PRKG1: variants seen among roughly 807,000 people sequenced by gnomAD.
PRKG1 encodes the protein cGMP-dependent protein kinase 1.
A neutral mutation model predicts 88.1 loss-of-function variants in PRKG1; 35 were observed. The ratio of observed to expected loss-of-function variants is 0.40; its 90% CI spans 0.30 to 0.53. The LOEUF is 0.53. PRKG1 is among the 20% of genes least tolerant of loss of function. PRKG1 has a pLI of 0.59. For missense variants in PRKG1, 540 were observed against 839.8 expected (o/e 0.64, Z 4.41); for synonymous variants, 303 against 292.5 (o/e 1.04, Z -0.37).
At chr10:51,923,950 T>C (rs542453177) in intron 5 of PRKG1, among the ~76,000 whole-genome samples, 97 of 151,998 alleles carry the variant, frequency 6.4e-4, no homozygotes, top group African/African-American at 2.3e-3. Flanking sequence ...CACCTAGGTC[T>C]CTTGAGTAGC....
intron 7 of PRKG1, among the ~76,000 whole-genome samples, chr10:52,066,924 A>G (rs1017378624): frequency 2.1e-4 from 32 of 152,028 alleles, no homozygotes; most frequent in Non-Finnish European, 4.3e-4. Context: ...CTATTAACTC[A>G]TCTTGATTAT....
At chr10:51,616,193 G>T (rs1183906304) in intron 3 of PRKG1, among the ~76,000 whole-genome samples, 1 of 152,228 alleles carries the variant, frequency 6.6e-6, no homozygotes, top group Non-Finnish European at 1.5e-5. Context: ...AGGCCCCACT[G>T]GTGGCAGTGA....
intron 5 of PRKG1, among the ~76,000 whole-genome samples, chr10:52,013,171 C>T (rs1844940708): frequency 6.6e-6 from 1 of 151,874 alleles, no homozygotes; most frequent in Admixed American, 6.5e-5. Flanking sequence ...GTAATCCCAG[C>T]ACTTTGGGAA....
At chr10:51,667,450 A>G (rs974393257) in intron 3 of PRKG1, among the ~76,000 whole-genome samples, 1 of 152,202 alleles carries the variant, frequency 6.6e-6, no homozygotes, top group African/African-American at 2.4e-5. Context: ...TGCTGTTGTC[A>G]ATTGTAATAG....
chr10:51,348,801 C>T (rs1227271706), intron 2 of PRKG1, among the ~76,000 whole-genome samples: 2 of 152,188 alleles, frequency 1.3e-5, no homozygotes, highest in Admixed American at 1.3e-4. Flanking sequence ...AAGTGTACTG[C>T]ATCCATTCTT....
intron 5 of PRKG1, among the ~76,000 whole-genome samples, chr10:51,931,359 AT>A: frequency 6.6e-6 from 1 of 152,304 alleles, no homozygotes; most frequent in South Asian, 2.1e-4. Flanking sequence ...TATTTCCATA[AT>A]TCCAGTGCTT....
intron 5 of PRKG1, among the ~76,000 whole-genome samples, chr10:52,000,017 C>G (rs1589502452): frequency 6.6e-6 from 1 of 151,798 alleles, no homozygotes; most frequent in Admixed American, 6.6e-5. Context: ...ATATTATAAC[C>G]CTTTCTGATT....
At chr10:52,216,326 C>T (rs1369713949) in intron 9 of PRKG1, among the ~76,000 whole-genome samples, 1 of 152,154 alleles carries the variant, frequency 6.6e-6, no homozygotes, top group Non-Finnish European at 1.5e-5. Context: ...TCACTTCAGT[C>T]AACAGGCTCC....
At chr10:52,021,235 T>C (rs1337737350) in intron 5 of PRKG1, among the ~76,000 whole-genome samples, 7 of 152,134 alleles carry the variant, frequency 4.6e-5, no homozygotes, top group Admixed American at 4.6e-4. Flanking sequence ...GTGTGGCACT[T>C]GAGGCTTGAG....
intron 9 of PRKG1, among the ~76,000 whole-genome samples, chr10:52,222,217 A>G (rs1041456121): frequency 2.6e-5 from 4 of 152,090 alleles, no homozygotes; most frequent in African/African-American, 7.2e-5. Context: ...TAGTTCACCC[A>G]TGGGAGCACG....
intron 3 of PRKG1, among the ~76,000 whole-genome samples, chr10:51,679,512 G>A (rs779405866): frequency 5.3e-5 from 8 of 151,642 alleles, no homozygotes; most frequent in Admixed American, 3.3e-4. Flanking sequence ...TTTTCATTTC[G>A]CTTTCTAAAA....
chr10:51,539,064 G>A (rs1842235286), intron 3 of PRKG1, among the ~76,000 whole-genome samples: 1 of 152,008 alleles, frequency 6.6e-6, no homozygotes, highest in Non-Finnish European at 1.5e-5. Context: ...TGTAATAGAG[G>A]AAATTAATTT....
chr10:52,172,527 C>G (rs1251614991), intron 9 of PRKG1, among the ~76,000 whole-genome samples: 2 of 152,096 alleles, frequency 1.3e-5, no homozygotes, highest in Non-Finnish European at 2.9e-5. Flanking sequence ...ATATATAAAG[C>G]CTATTTACAG....
intron 5 of PRKG1, among the ~76,000 whole-genome samples, chr10:51,915,017 G>GA (rs1365389520): frequency 5.3e-5 from 8 of 152,262 alleles, no homozygotes; most frequent in Middle Eastern, 6.8e-3. Flanking sequence ...ACCCTCTTGG[G>GA]AAAAGGAGGT....
At chr10:51,584,788 C>T (rs1436409102) in intron 3 of PRKG1, among the ~76,000 whole-genome samples, 1 of 152,168 alleles carries the variant, frequency 6.6e-6, no homozygotes, top group South Asian at 2.1e-4. Flanking sequence ...AGAACTTACA[C>T]CAGATAGTTC....
intron 5 of PRKG1, among the ~76,000 whole-genome samples, chr10:51,914,968 A>T (rs1318812342): frequency 1.3e-5 from 2 of 152,254 alleles, no homozygotes; most frequent in Non-Finnish European, 2.9e-5. Context: ...TTGCTTAATG[A>T]TATAGTAGGA....
intron 2 of PRKG1, among the ~76,000 whole-genome samples, chr10:51,296,045 T>A (rs773822589): frequency 5.3e-5 from 8 of 152,264 alleles, no homozygotes; most frequent in Non-Finnish European, 1.0e-4. Context: ...CGGTGTATGA[T>A]CCTTTTAATG....
intron 9 of PRKG1, among the ~76,000 whole-genome samples, chr10:52,245,058 A>G (rs1464055851): frequency 6.6e-6 from 1 of 150,798 alleles, no homozygotes; most frequent in Non-Finnish European, 1.5e-5. Flanking sequence ...AGATTAGTCA[A>G]TACACTAAGC....
intron 4 of PRKG1, among the ~76,000 whole-genome samples, chr10:51,828,708 A>T (rs1045476480): frequency 2.0e-5 from 3 of 151,898 alleles, no homozygotes; most frequent in African/African-American, 7.3e-5. Context: ...TATAGGAAAG[A>T]GTTACTGCTA....
Sources: gnomAD v4.1 joint callset for allele counts (sites outside exome capture counted in the v4.1 genomes callset) on GRCh38, gnomAD v4.1.1 for gene constraint, MANE v1.5 for transcripts, NCBI Gene and HGNC (gene_info 2026-07-23, HGNC 2026-07-21) for gene names.